Variants in SPAG16 observed in about 807,000 individuals in gnomAD.
SPAG16 encodes the protein sperm associated antigen 16, also known as sperm-associated antigen 16 protein.
In SPAG16, 86 loss-of-function variants were observed where a neutral mutation model predicts 80.4. The observed-to-expected ratio is 1.07, with a 90% CI of 0.90 to 1.28. The LOEUF is 1.28. Among genes scored for constraint, SPAG16 ranks in the 50% most tolerant of loss-of-function variants. The pLI is 0.00. For missense variants in SPAG16, 870 were observed against 765.3 expected, an observed-to-expected ratio of 1.14 and a Z score of -1.61; for synonymous variants, 294 against 265.9, an observed-to-expected ratio of 1.11 and a Z score of -1.03.
chr2:214,175,334 A>AAT (rs1317485642), intron 15 of SPAG16, among the ~76,000 whole-genome samples: 1 of 116,194 alleles, frequency 8.6e-6, no homozygotes, highest in Non-Finnish European at 2.0e-5. Flanking sequence ...TATATAAAGA[A>AAT]ATATATATAT....
At chr2:214,404,524 T>C (rs1420505421) in intron 15 of SPAG16, among the ~76,000 whole-genome samples, 1 of 152,292 alleles carries the variant, frequency 6.6e-6, no homozygotes, top group East Asian at 1.9e-4. Context: ...GGAATTAATA[T>C]AGGTAGATTT....
At chr2:213,948,546 T>C (rs2079570124) in intron 12 of SPAG16, among the ~76,000 whole-genome samples, 1 of 152,198 alleles carries the variant, frequency 6.6e-6, no homozygotes, top group Non-Finnish European at 1.5e-5. Context: ...GGTTTAGGAA[T>C]ATGCATTATC....
At chr2:214,396,977 T>G (rs945474108) in intron 15 of SPAG16, among the ~76,000 whole-genome samples, 2 of 151,884 alleles carry the variant, frequency 1.3e-5, no homozygotes, top group Non-Finnish European at 2.9e-5. Flanking sequence ...CTATACTGTA[T>G]GTTTCTAATT....
intron 10 of SPAG16, among the ~76,000 whole-genome samples, chr2:213,494,360 C>G (rs896796601): frequency 6.6e-6 from 1 of 152,194 alleles, no homozygotes; most frequent in Non-Finnish European, 1.5e-5. Flanking sequence ...GGTTTTCCCC[C>G]AAAAGACCTA....
At chr2:213,860,473 C>CATATG (rs2075400307) in intron 10 of SPAG16, among the ~76,000 whole-genome samples, 2 of 78,784 alleles carry the variant, frequency 2.5e-5, no homozygotes, top group African/African-American at 7.7e-5. Context: ...ATATATCTAT[C>CATATG]TATATATATA....
At chr2:213,641,470 C>G (rs903649227) in intron 10 of SPAG16, among the ~76,000 whole-genome samples, 1 of 152,202 alleles carries the variant, frequency 6.6e-6, no homozygotes, top group Non-Finnish European at 1.5e-5. Flanking sequence ...AAAATTCACT[C>G]TCTCTTGAAT....
chr2:214,025,710 T>A (rs1383085954), intron 13 of SPAG16, among the ~76,000 whole-genome samples: 2 of 151,614 alleles, frequency 1.3e-5, no homozygotes, highest in Admixed American at 6.6e-5. Context: ...TTAAATTACA[T>A]TTAAATTGGA....
chr2:214,141,194 C>A (rs1418646771), intron 14 of SPAG16, among the ~76,000 whole-genome samples: 1 of 152,112 alleles, frequency 6.6e-6, no homozygotes, highest in Non-Finnish European at 1.5e-5. Flanking sequence ...TTTGCCTGGG[C>A]ACGGTGGCTC....
intron 10 of SPAG16, among the ~76,000 whole-genome samples, chr2:213,501,344 A>G (rs1474650231): frequency 6.6e-6 from 1 of 152,208 alleles, no homozygotes; most frequent in Admixed American, 6.5e-5. Flanking sequence ...AGCTGATAAT[A>G]TTAACTGCCT....
intron 10 of SPAG16, among the ~76,000 whole-genome samples, chr2:213,828,849 A>G (rs2073454673): frequency 6.6e-6 from 1 of 152,204 alleles, no homozygotes; most frequent in African/African-American, 2.4e-5. Flanking sequence ...TGCCAGGTAG[A>G]GACTCTTGTT....
chr2:214,108,471 ACACACACACC>A (rs1428883771), intron 14 of SPAG16, among the ~76,000 whole-genome samples: 14 of 78,356 alleles, frequency 1.8e-4, no homozygotes, highest in African/African-American at 6.7e-4. Flanking sequence ...ACACACACAC[ACACACACACC>A]CCCACACACA....
chr2:213,311,169 A>G (rs1238219542), intron 4 of SPAG16, among the ~76,000 whole-genome samples: 1 of 151,762 alleles, frequency 6.6e-6, no homozygotes, highest in Non-Finnish European at 1.5e-5. Flanking sequence ...AGTTCAGTGG[A>G]AGAAAAATAA....
chr2:214,278,399 A>C (rs1209778936), intron 15 of SPAG16, among the ~76,000 whole-genome samples: 1 of 152,144 alleles, frequency 6.6e-6, no homozygotes, highest in African/African-American at 2.4e-5. Flanking sequence ...CTTCTGCATC[A>C]ATCATGCTGG....
chr2:214,024,270 T>C (rs2048028159), intron 13 of SPAG16, among the ~76,000 whole-genome samples: 1 of 151,592 alleles, frequency 6.6e-6, no homozygotes, highest in African/African-American at 2.4e-5. Context: ...GGCTAAATCA[T>C]CTCAAAAACT....
chr2:213,774,763 C>T (rs2069465923), intron 10 of SPAG16, among the ~76,000 whole-genome samples: 1 of 152,142 alleles, frequency 6.6e-6, no homozygotes, highest in Non-Finnish European at 1.5e-5. Context: ...TCAATTTCTT[C>T]GAGGCCAGTA....
At chr2:214,100,632 G>A (rs1214781799) in intron 13 of SPAG16, among the ~76,000 whole-genome samples, 2 of 152,050 alleles carry the variant, frequency 1.3e-5, no homozygotes, top group Non-Finnish European at 2.9e-5. Flanking sequence ...AAAACATGTG[G>A]TATTTCGTTT....
At position 214,322,702 on chromosome 2, in the gene SPAG16, T is replaced by C. The variant is rs374155519; in HGVS notation, c.1721-87438T>C. On this transcript the variant is annotated intron_variant, in intron 15 of 15. Transcript: ENST00000331683. ...GGTTCAAAATTAACCTGCACACTCA[T>C]CTACCACCAGAAAAATACTAGCCAT... Among the ~76,000 whole-genome samples, 96 of 152,286 alleles carry C rather than the reference T, an allele frequency of 6.3e-4. 1 individual carries two copies. Among genetic ancestry groups the C allele is most frequent in the African/African-American group, 2.1e-3 (87 of 41,566 alleles).
At chr2:214,147,241 C>T (rs2055691823) in intron 14 of SPAG16, among the ~76,000 whole-genome samples, 1 of 152,086 alleles carries the variant, frequency 6.6e-6, no homozygotes. Flanking sequence ...GATCATTTGA[C>T]AGCAATAGAA....
At chr2:213,631,413 A>C (rs985880437) in intron 10 of SPAG16, among the ~76,000 whole-genome samples, 1 of 152,160 alleles carries the variant, frequency 6.6e-6, no homozygotes, top group Non-Finnish European at 1.5e-5. Context: ...TAATTCGTTT[A>C]ATTCTTATCA....
Sources: allele counts gnomAD v4.1 joint callset (sites outside exome capture counted in the v4.1 genomes callset), GRCh38; gene constraint gnomAD v4.1.1; transcripts MANE v1.5; gene names NCBI Gene and HGNC (gene_info 2026-07-23, HGNC 2026-07-21).